PRX: variants seen among roughly 807,000 people sequenced by gnomAD.
PRX encodes periaxin.
PRX carries 24 observed loss-of-function variants against 29.6 expected under a neutral mutation model. The ratio of observed to expected loss-of-function variants is 0.81; its 90% CI spans 0.59 to 1.14. The LOEUF (loss-of-function observed/expected upper bound fraction) is 1.14. Ranked by LOEUF, PRX falls within the 50% of genes most tolerant of loss-of-function variation. PRX has a pLI of 0.00. For synonymous variants in PRX, 772 were observed against 831.7 expected, an observed-to-expected ratio of 0.93 and a Z score of 1.24; for missense variants, 1,838 against 1,926.4, an observed-to-expected ratio of 0.95 and a Z score of 0.86.
Position 40,398,444 on chromosome 19 carries a change from C to T in PRX, c.381+176G>A, listed in dbSNP as rs1281132806. ...GGGCCCTGGGCTGGGGTGGGTCTGT[C>T]CCCCTTCCCGGGGAAGAGTTTGGGG... On this transcript the variant is annotated intron_variant, in intron 6 of 6. Coordinates refer to ENST00000324001, the MANE Select transcript of PRX (RefSeq NM_181882.3). This position sits in a 1 kb window ranked among gnomAD's most constrained non-coding sequence, Gnocchi z 6.3. The T allele has an allele frequency of 5.9e-6, 9 of 1,515,088 alleles. No homozygotes were observed. The highest frequency in any genetic ancestry group is 7.0e-6 in the Non-Finnish European group (8 of 1,136,838). 93.9% of individuals were successfully genotyped at this position (1,515,088 alleles called of 1,614,324 possible).
intron 1 of PRX, among the ~76,000 whole-genome samples, chr19:40,409,536 G>A (rs189249708): frequency 1.5e-3 from 228 of 151,060 alleles, no homozygotes; most frequent in Non-Finnish European, 3.0e-3. Context: ...GAAGTGGTGC[G>A]AATTCGGCTT....
At position 40,397,617 on chromosome 19, in the gene PRX, C is replaced by T. The variant is rs1159266818; in HGVS notation, c.735G>A (p.Glu245=). 2 of 1,541,488 alleles carry T rather than the reference C, an allele frequency of 1.3e-6. No homozygotes were observed. Among genetic ancestry groups the T allele is most frequent in the Non-Finnish European group, 1.7e-6 (2 of 1,148,842 alleles). ...ELVGPRLPGA[E]VGVPQVSAPK... ...GGGCTGAGACCTGGGGGACACCCAC[C>T]TCCGCCCCTGGCAGCCGCGGCCCAA... Residue 245 remains glutamate (E), a synonymous_variant, in exon 7 of 7, where the codon GAG becomes GAA. Transcript: ENST00000324001.
At chr19:40,409,451 C>CTATTATTCTTATTCT (rs1555802687) in intron 1 of PRX, among the ~76,000 whole-genome samples, 152 of 142,358 alleles carry the variant, frequency 1.1e-3, no homozygotes, top group African/African-American at 3.9e-3. Context: ...TAAATACTTG[C>CTATTATTCTTATTCT]TATTATTATT....
chr19:40,404,389 A>G (rs2079517977), intron 4 of PRX, among the ~76,000 whole-genome samples: 1 of 72,782 alleles, frequency 1.4e-5, no homozygotes, highest in African/African-American at 5.2e-5. Context: ...CGGGACCAGG[A>G]TCGTGGGGGC....
Position 40,394,951 on chromosome 19 carries a change from A to G in PRX, c.3401T>C (p.Val1134Ala), listed in dbSNP as rs762157790. The G allele has an allele frequency of 5.6e-6, 9 of 1,608,626 alleles. No homozygotes were observed. The South Asian group carries it at 6.6e-5, about 12-fold the overall frequency. The change falls in exon 7 of 7, where the codon GTG becomes GCG. Residue 1134 changes from valine (V) to alanine (A), a missense_variant. Transcript: ENST00000324001. This position sits in a 1 kb window ranked among gnomAD's most constrained non-coding sequence, Gnocchi z 5.8. ...SGLKVSTAGQ[V>A]VTEGHDAGLR... Reference sequence around the variant, plus strand: ...CCCCGCGTCATGGCCCTCAGTGACCACCTGCCCGGCTGTGGACACCTTCAG... The same window carrying G: ...CCCCGCGTCATGGCCCTCAGTGACCGCCTGCCCGGCTGTGGACACCTTCAG...
intron 1 of PRX, among the ~76,000 whole-genome samples, chr19:40,410,232 G>A (rs956011754): frequency 2.0e-5 from 3 of 152,152 alleles, no homozygotes; most frequent in Non-Finnish European, 2.9e-5. Flanking sequence ...CTCTGGGCTT[G>A]TCCTCACAGC....
rs1192841059 is a variant in PRX, at chr19:40,397,715, G to T, written c.637C>A (p.Pro213Thr). Reference protein sequence around the residue: ...QAARLAAAAPPPRKAKVEAEV... With the variant: ...QAARLAAAAPTPRKAKVEAEV... Reference sequence around the variant, plus strand: ...GCCTCCACCTTGGCTTTCCTGGGGGGAGGAGCGGCGGCGGCCAGCCGGGCT... The same window carrying T: ...GCCTCCACCTTGGCTTTCCTGGGGGTAGGAGCGGCGGCGGCCAGCCGGGCT... The change falls in exon 7 of 7, where the codon CCC (proline) becomes ACC (threonine). Residue 213 changes from proline (P) to threonine (T), a missense_variant. This residue lies in a region of PRX where 666 missense variants were observed against 665.0 expected (regional missense o/e 1.00). Transcript: ENST00000324001. 1 of 1,560,504 alleles carries T rather than the reference G, an allele frequency of 6.4e-7. No homozygotes were observed.
intron 4 of PRX, among the ~76,000 whole-genome samples, chr19:40,407,265 CTT>C (rs796139969): frequency 8.1e-6 from 1 of 123,788 alleles, no homozygotes. Flanking sequence ...TAGACAGGGT[CTT>C]TTTTTTTTTT....
chr19:40,399,861 T>TTCTTTCTC, intron 5 of PRX, among the ~76,000 whole-genome samples: 1 of 62,634 alleles, frequency 1.6e-5, no homozygotes, highest in East Asian at 2.6e-4. Context: ...CTTTCTTTCT[T>TTCTTTCTC]TCTTTCTTTC....
intron 4 of PRX, among the ~76,000 whole-genome samples, chr19:40,405,344 G>A (rs1221922126): frequency 1.3e-5 from 2 of 152,138 alleles, no homozygotes. Context: ...CTGCAAAATA[G>A]GGTAACATAG....
chr19:40,408,850 A>T (rs941638416), intron 1 of PRX, among the ~76,000 whole-genome samples: 14 of 141,606 alleles, frequency 9.9e-5, no homozygotes, highest in African/African-American at 3.6e-4. Context: ...TGTGTGTGAG[A>T]GAGAGAGTTT....
Position 40,403,733 on chromosome 19 carries a change from C to G in PRX, c.157G>C (p.Ala53Pro). ...TCCTGCAGGCTGAGGCTCCTGGCGG[C>G]GGGTGAGTCCTCGCGCAGCTCCCGA... ...FVRELREDSP[A>P]ARSLSLQEGD... The change falls in exon 5 of 7, where the codon GCC becomes CCC. Residue 53 changes from alanine (A) to proline (P), a missense_variant. Transcript: ENST00000324001. The G allele has an allele frequency of 4.5e-6, 7 of 1,566,630 alleles. No homozygotes were observed. The highest frequency in any genetic ancestry group is 6.1e-6 in the Non-Finnish European group (7 of 1,156,934).
chr19:40,397,709 T>TG lies in PRX; in HGVS notation c.642dup (p.Arg215GlnfsTer8), dbSNP rs768074428. ...ACCTCAGCCTCCACCTTGGCTTTCC[T>TG]GGGGGGAGGAGCGGCGGCGGCCAGC... On this transcript the variant is annotated frameshift_variant, in exon 7 of 7. Coordinates refer to ENST00000324001, the MANE Select transcript of PRX (RefSeq NM_181882.3). LOFTEE classifies it low-confidence loss of function (END_TRUNC). The TG allele has an allele frequency of 1.9e-6, 3 of 1,562,086 alleles. No individual in the cohort carries two copies. The highest frequency in any genetic ancestry group is 1.9e-5 in the Admixed American group (1 of 52,798).
At chr19:40,401,158 T>A (rs2145737899) in intron 5 of PRX, among the ~76,000 whole-genome samples, 1 of 152,238 alleles carries the variant, frequency 6.6e-6, no homozygotes, top group East Asian at 1.9e-4. Context: ...CAAAATATAT[T>A]CAGAATCCAA....
rs767394584 is a variant in PRX at position 40,394,432 on chromosome 19, C to T, written c.3920G>A (p.Arg1307Gln). 4.4e-6 allele frequency: 7 copies of T among 1,602,654 alleles called. No individual in the cohort carries two copies. The highest frequency in any genetic ancestry group is 3.4e-5 in the Admixed American group (2 of 58,750). Residue 1307 changes from arginine to glutamine, a missense_variant, in exon 7 of 7, where the codon CGG (arginine) becomes CAG (glutamine). Coordinates refer to ENST00000324001, the MANE Select transcript of PRX (RefSeq NM_181882.3). The surrounding 1 kb of genome is among the most constrained non-coding windows in gnomAD (Gnocchi z 5.8). ...CCGCACCAGGCCAAACCGGGGCAGC[C>T]GTACCTTGAGCTTGTGTCCGGCCTC... ...EGEAGHKLKV[R>Q]LPRFGLVRAK...
At position 40,405,974 on chromosome 19, in the gene PRX, C is replaced by CGG. The variant is rs1470915776; in HGVS notation, c.27+1930_27+1931dup. On this transcript the variant is annotated intron_variant, in intron 4 of 6. Transcript: ENST00000324001. ...TTAAGAGTCGGAGTCAGGCCAGGCGCGGTAGCTCACACCTATAATCCCAGC... is the reference window on the plus strand; with the variant it reads ...TTAAGAGTCGGAGTCAGGCCAGGCGCGGGGTAGCTCACACCTATAATCCCAGC... Among the ~76,000 whole-genome samples, 3 of 151,086 alleles carry CGG rather than the reference C, an allele frequency of 2.0e-5. No individual in the cohort carries two copies. In the East Asian group the frequency reaches 6.0e-4, roughly 30 times the overall value.
intron 5 of PRX, among the ~76,000 whole-genome samples, chr19:40,402,923 A>G (rs1005928952): frequency 3.3e-5 from 5 of 152,160 alleles, no homozygotes; most frequent in Non-Finnish European, 5.9e-5. Flanking sequence ...TAATCCCAGC[A>G]CTTTGGGAGA....
chr19:40,398,639 C>A lies in PRX; in HGVS notation c.362G>T (p.Arg121Leu). The part of the protein sequence containing the change: ...TVSGYEIKGP[R>L]AKVAKLNIQS... ...GCGTACCAGCTTGGCCACCTTGGCC[C>A]GCGGGCCCTTGATCTCGTAGCCAGA... The change falls in exon 6 of 7, where the codon CGG (arginine) becomes CTG (leucine). Residue 121 changes from arginine to leucine, a missense_variant. Transcript: ENST00000324001. The surrounding 1 kb of genome is among the most constrained non-coding windows in gnomAD (Gnocchi z 6.3). The A allele has an allele frequency of 6.2e-7, 1 of 1,613,124 alleles. No homozygotes were observed. Among genetic ancestry groups the A allele is most frequent in the Non-Finnish European group, 8.5e-7 (1 of 1,179,832 alleles).
At chr19:40,410,726 C>A (rs1209111679) in intron 1 of PRX, among the ~76,000 whole-genome samples, 1 of 152,194 alleles carries the variant, frequency 6.6e-6, no homozygotes, top group African/African-American at 2.4e-5. Flanking sequence ...CTAAAATTAG[C>A]CAGGCGTGGC....
Sources: gnomAD v4.1 joint callset for allele counts (sites outside exome capture counted in the v4.1 genomes callset) on GRCh38, gnomAD v4.1.1 for gene constraint, gnomAD v4.1.1 regional missense constraint, Gnocchi (gnomAD v3.1) non-coding constraint, MANE v1.5 for transcripts, NCBI Gene and HGNC (gene_info 2026-07-23, HGNC 2026-07-21) for gene names.